The following MAN1A1 variants were observed in gnomAD, a reference collection of about 807,000 sequenced individuals.
MAN1A1 encodes mannosyl-oligosaccharide 1,2-alpha-mannosidase IA.
A neutral mutation model predicts 70.8 loss-of-function variants in MAN1A1; 29 were observed. The observed-to-expected ratio is 0.41, with a 90% CI of 0.31 to 0.56. The LOEUF (loss-of-function observed/expected upper bound fraction) is 0.56. MAN1A1 is among the 20% of genes least tolerant of loss of function. The pLI, the probability that MAN1A1 is intolerant of heterozygous loss-of-function variation, is 0.29. For synonymous variants in MAN1A1, 349 were observed against 330.1 expected (o/e 1.06, Z -0.62); for missense variants, 747 against 841.3 (o/e 0.89, Z 1.39).
chr6:119,275,722 G>T (rs1027620675), intron 5 of MAN1A1, among the ~76,000 whole-genome samples: 1 of 152,188 alleles, frequency 6.6e-6, no homozygotes, highest in Non-Finnish European at 1.5e-5. Context: ...GATTACAGGC[G>T]TGAGCCACTG....
chr6:119,280,056 C>T (rs1215567520), intron 5 of MAN1A1, among the ~76,000 whole-genome samples: 1 of 152,346 alleles, frequency 6.6e-6, no homozygotes, highest in South Asian at 2.1e-4. Flanking sequence ...ACTTCCCAGA[C>T]CACGACTTCT....
At chr6:119,347,825 T>C (rs935683158) in intron 2 of MAN1A1, among the ~76,000 whole-genome samples, 1 of 152,252 alleles carries the variant, frequency 6.6e-6, no homozygotes, top group Non-Finnish European at 1.5e-5. Context: ...TGTGCTGCTG[T>C]GGAGGCAAAC....
At chr6:119,343,243 C>T (rs1053609587) in intron 2 of MAN1A1, among the ~76,000 whole-genome samples, 8 of 151,876 alleles carry the variant, frequency 5.3e-5, no homozygotes, top group East Asian at 3.9e-4. Context: ...ATAGTAAGCA[C>T]GGATAATTTA....
chr6:119,239,038 C>G (rs1484151306), intron 6 of MAN1A1, among the ~76,000 whole-genome samples: 1 of 152,126 alleles, frequency 6.6e-6, no homozygotes, highest in Admixed American at 6.5e-5. Context: ...CTACAGGTAC[C>G]TGCCACCGCG....
rs749445147 is a variant in MAN1A1 at position 119,302,083 on chromosome 6, T to C, written c.721A>G (p.Ile241Val). ...SLFGNIKGATIVDALDTLFIM... is the reference protein window; with the variant it reads ...SLFGNIKGATVVDALDTLFIM... ...AAAAGTGTATCCAGGGCATCTACTA[T>C]AGTTGCTCCTTTGATGTTACCTGAA... The change falls in exon 4 of 13, where the codon ATA (isoleucine) becomes GTA (valine). Residue 241 changes from isoleucine to valine, a missense_variant. Transcript: ENST00000368468. 1.9e-6 allele frequency: 3 copies of C among 1,595,620 alleles called. No homozygotes were observed. The highest frequency in any genetic ancestry group is 2.2e-5 in the South Asian group (2 of 90,196).
chr6:119,327,074 A>C (rs541475649), intron 2 of MAN1A1, among the ~76,000 whole-genome samples: 10 of 152,322 alleles, frequency 6.6e-5, no homozygotes, highest in African/African-American at 2.4e-4. Context: ...GGGAGTTGGC[A>C]GGTATGATGA....
intron 6 of MAN1A1, among the ~76,000 whole-genome samples, chr6:119,215,791 T>C (rs1237576062): frequency 2.0e-5 from 3 of 152,236 alleles, no homozygotes; most frequent in Non-Finnish European, 2.9e-5. Flanking sequence ...AGATTACTTA[T>C]TTCAGTTAAG....
intron 8 of MAN1A1, among the ~76,000 whole-genome samples, chr6:119,199,647 C>A (rs1773663328): frequency 6.6e-6 from 1 of 151,688 alleles, no homozygotes; most frequent in Non-Finnish European, 1.5e-5. Context: ...TGGCTCATGC[C>A]TGTAATCCCA....
At chr6:119,181,050 T>C (rs1031227407) in intron 11 of MAN1A1, among the ~76,000 whole-genome samples, 3 of 152,216 alleles carry the variant, frequency 2.0e-5, no homozygotes, top group African/African-American at 4.8e-5. Context: ...GTATGAACTA[T>C]AGGCTAAATC....
intron 2 of MAN1A1, among the ~76,000 whole-genome samples, chr6:119,345,259 C>A (rs1377860502): frequency 6.6e-6 from 1 of 151,782 alleles, no homozygotes; most frequent in Non-Finnish European, 1.5e-5. Flanking sequence ...AGTAAATGGA[C>A]TATTTTTCTA....
At chr6:119,220,163 G>T (rs1237098554) in intron 6 of MAN1A1, among the ~76,000 whole-genome samples, 2 of 151,958 alleles carry the variant, frequency 1.3e-5, no homozygotes, top group Non-Finnish European at 2.9e-5. Flanking sequence ...GCCAAAACTT[G>T]TTCATTACGA....
At chr6:119,233,360 A>G (rs1183821550) in intron 6 of MAN1A1, among the ~76,000 whole-genome samples, 1 of 152,160 alleles carries the variant, frequency 6.6e-6, no homozygotes, top group Non-Finnish European at 1.5e-5. Context: ...GTGTGCCGCA[A>G]ATTTAGTCTT....
chr6:119,348,644 T>G lies in MAN1A1; in HGVS notation c.422A>C (p.Lys141Thr), dbSNP rs760875662. 23 of 1,613,626 alleles carry G rather than the reference T, an allele frequency of 1.4e-5. No homozygotes were observed. Among genetic ancestry groups the G allele is most frequent in the Non-Finnish European group, 1.5e-5 (18 of 1,179,862 alleles). The change falls in exon 2 of 13, where the codon AAG (lysine) becomes ACG (threonine). Residue 141 changes from lysine to threonine, a missense_variant. Physicochemically the swap from Lys to Thr is moderately conservative, Grantham distance 78. Coordinates refer to ENST00000368468, the MANE Select transcript of MAN1A1 (RefSeq NM_005907.4). ...ALREAKETLQ[K>T]LPEEIQRDIL... is the part of the protein sequence containing the mutation. ...GTCTCTTTGGATCTCCTCGGGCAGC[T>G]TCTGCAGGGTCTCCTTGGCTTCCCT...
rs532275268 is a variant in MAN1A1 at position 119,235,389 on chromosome 6, G to A, written c.992+12871C>T. The stretch of plus-strand genomic sequence containing the variant: ...TATGGCTATATGGAGAAAGTTTTAG[G>A]TGGTGTGGACAGAAGATCACACCAA... On this transcript the variant is annotated intron_variant, in intron 6 of 12. Transcript: ENST00000368468. 1.1e-4 allele frequency among the ~76,000 whole-genome samples: 17 copies of A among 152,314 alleles called. 1 individual carries two copies. The highest frequency in any genetic ancestry group is 3.6e-4 in the African/African-American group (15 of 41,578).
chr6:119,313,216 C>T (rs1372922938), intron 2 of MAN1A1, among the ~76,000 whole-genome samples: 1 of 152,176 alleles, frequency 6.6e-6, no homozygotes, highest in African/African-American at 2.4e-5. Flanking sequence ...GACTGCCTGC[C>T]TGGAGTCTAC....
chr6:119,213,659 A>C (rs983060122), intron 6 of MAN1A1, among the ~76,000 whole-genome samples: 6 of 152,208 alleles, frequency 3.9e-5, no homozygotes, highest in Non-Finnish European at 7.3e-5. Context: ...GCCGATCTAA[A>C]GGCAGAAAAA....
intron 8 of MAN1A1, among the ~76,000 whole-genome samples, chr6:119,197,454 G>A (rs749844015): frequency 2.0e-5 from 3 of 152,134 alleles, no homozygotes; most frequent in Non-Finnish European, 2.9e-5. Context: ...GTTACTACCC[G>A]CAAAAGCTTT....
intron 6 of MAN1A1, among the ~76,000 whole-genome samples, chr6:119,247,377 A>C (rs1046181348): frequency 8.5e-5 from 13 of 152,216 alleles, no homozygotes; most frequent in Admixed American, 2.6e-4. Context: ...TGGAGATAAC[A>C]GCATTGACCT....
At chr6:119,320,337 A>G (rs1397545075) in intron 2 of MAN1A1, among the ~76,000 whole-genome samples, 1 of 152,164 alleles carries the variant, frequency 6.6e-6, no homozygotes, top group Non-Finnish European at 1.5e-5. Context: ...TTGAACCACC[A>G]CCAATCACTA....
Sources: allele counts gnomAD v4.1 joint callset (sites outside exome capture counted in the v4.1 genomes callset), GRCh38; gene constraint gnomAD v4.1.1; transcripts MANE v1.5; gene names NCBI Gene and HGNC (gene_info 2026-07-23, HGNC 2026-07-21).